Variants in KRT71 observed in about 807,000 individuals in gnomAD.
KRT71 encodes keratin, type II cytoskeletal 71.
In KRT71, 42 loss-of-function variants were observed where a neutral mutation model predicts 46.2. The observed-to-expected ratio is 0.91, with a 90% CI of 0.71 to 1.18. KRT71 has a LOEUF of 1.18. Among genes scored for constraint, KRT71 ranks in the 50% most tolerant of loss-of-function variants. The probability of loss-of-function intolerance (pLI) is 0.00; values close to 1 mark genes in which losing one functional copy is unlikely to be tolerated. For synonymous variants in KRT71, 292 were observed against 277.8 expected, an observed-to-expected ratio of 1.05 and a Z score of -0.51; for missense variants, 708 against 677.9, an observed-to-expected ratio of 1.04 and a Z score of -0.49.
chr12:52,551,614 G>C (rs1397839205), intron 1 of KRT71, among the ~76,000 whole-genome samples: 1 of 152,214 alleles, frequency 6.6e-6, no homozygotes, highest in East Asian at 1.9e-4. Flanking sequence ...CTCACCCATA[G>C]ACTTTGTCCT....
rs150003981 is a variant in KRT71, at chr12:52,546,382, C to A, written c.1229G>T (p.Arg410Leu). 6.7e-5 allele frequency: 108 copies of A among 1,614,108 alleles called. No homozygotes were observed. The highest frequency in any genetic ancestry group is 1.7e-4 in the African/African-American group (13 of 74,940). The stretch of plus-strand genomic sequence containing the variant: ...GAGCTCCTGGTACTCGCGCAGCATC[C>A]GCGCCAGCTCCTCCTTGGCCTGGTG... Reference protein sequence around the residue: ...ALHQAKEELARMLREYQELMS... With the variant: ...ALHQAKEELALMLREYQELMS... Residue 410 changes from arginine to leucine, a missense_variant, in exon 7 of 9, where the codon CGG becomes CTG. Physicochemically the swap from Arg to Leu is moderately radical, Grantham distance 102 (BLOSUM62 -2). Coordinates refer to ENST00000267119, the MANE Select transcript of KRT71 (RefSeq NM_033448.3).
Position 52,549,332 on chromosome 12 carries a change from C to G in KRT71, c.678G>C (p.Lys226Asn). The G allele has an allele frequency of 6.2e-7, 1 of 1,613,950 alleles. No individual in the cohort carries two copies. The highest frequency in any genetic ancestry group is 8.5e-7 in the Non-Finnish European group (1 of 1,179,846). The change falls in exon 3 of 9, where the codon AAG becomes AAC. Residue 226 changes from lysine to asparagine, a missense_variant. Physicochemically the swap from Lys to Asn is moderately conservative, Grantham distance 94 (BLOSUM62 0). Transcript: ENST00000267119. Reference sequence around the variant, plus strand: ...CAAACTCGTTCTCTGCTGCTGTCCGCTTGTTGATTTCCTCCTCATACCTGT... The same window carrying G: ...CAAACTCGTTCTCTGCTGCTGTCCGGTTGTTGATTTCCTCCTCATACCTGT... ...YKKRYEEEIN[K>N]RTAAENEFVL...
chr12:52,552,590 A>C (rs1939190400), intron 1 of KRT71, 47 bp downstream of exon 1: 1 of 1,538,770 alleles, frequency 6.5e-7, no homozygotes, highest in African/African-American at 1.4e-5. Flanking sequence ...TTCCAAGAAG[A>C]GAAGAGGAGG....
At position 52,552,987 on chromosome 12, in the gene KRT71, A is replaced by C. The variant is rs1388562499; in HGVS notation, c.91T>G (p.Ser31Ala). The change falls in exon 1 of 9, where the codon TCC becomes GCC. Residue 31 changes from serine to alanine, a missense_variant. Transcript: ENST00000267119. ...SAVLSGGSSS[S>A]FRAGSKGLSG... ...AGCCCTTTGCTCCCTGCCCGGAAGG[A>C]GGATGAGCTGCCCCCTGAGAGCACA... is the stretch of plus-strand genomic sequence containing the variant. The C allele has an allele frequency of 3.1e-6, 5 of 1,614,134 alleles. No homozygotes were observed. Among genetic ancestry groups the C allele is most frequent in the Non-Finnish European group, 4.2e-6 (5 of 1,180,020 alleles).
rs1939011281 is a variant in KRT71, at chr12:52,544,029, T to C, written c.*503A>G. On this transcript the variant is annotated 3_prime_UTR_variant, in exon 9 of 9. Coordinates refer to ENST00000267119, the MANE Select transcript of KRT71 (RefSeq NM_033448.3). Reference sequence around the variant, plus strand: ...GGTGAGTGGAGAAAAAGGCCCTGAATTGCACTTGGTCCCACTCAGATTTGA... The same window carrying C: ...GGTGAGTGGAGAAAAAGGCCCTGAACTGCACTTGGTCCCACTCAGATTTGA... The C allele has an allele frequency of 6.2e-6, 1 of 161,596 alleles. No homozygotes were observed. The allele number at this position is 161,596 out of a possible 1,614,324, so 10.0% of individuals were successfully genotyped here. A position where few individuals can be genotyped will look rare whatever the true frequency, so the allele number is the denominator to read the frequency against.
rs1682830583 is a variant in KRT71, at chr12:52,544,007, G to A, written c.*525C>T. On this transcript the variant is annotated 3_prime_UTR_variant, in exon 9 of 9. Coordinates refer to ENST00000267119, the MANE Select transcript of KRT71 (RefSeq NM_033448.3). ...CTTTTCTCTGCTTCTGGGTGCAGGT[G>A]AGTGGAGAAAAAGGCCCTGAATTGC... is the stretch of plus-strand genomic sequence containing the variant. 6.3e-6 allele frequency: 1 copy of A among 159,920 alleles called. No individual in the cohort carries two copies. Among genetic ancestry groups the A allele is most frequent in the South Asian group, 1.8e-4 (1 of 5,492 alleles). The allele number at this position is 159,920 out of a possible 1,614,324, so 9.9% of individuals were successfully genotyped here.
chr12:52,544,309 T>C lies in KRT71; in HGVS notation c.*223A>G. On this transcript the variant is annotated 3_prime_UTR_variant, in exon 9 of 9. Transcript: ENST00000267119. ...TAGCTGGGGGACCACAGCCAAGGAG[T>C]TAATAGGGTGTGTACAGGGAGGAAT... is the stretch of plus-strand genomic sequence containing the variant. 1.7e-6 allele frequency: 1 copy of C among 597,866 alleles called. No homozygotes were observed. The highest frequency in any genetic ancestry group is 2.0e-5 in the South Asian group (1 of 50,764). The allele number at this position is 597,866 out of a possible 1,614,324, so 37.0% of individuals were successfully genotyped here.
At chr12:52,544,775 A>G (rs1328094930) in intron 8 of KRT71, 32 bp from the exon 9 acceptor site, 2 of 1,574,250 alleles carry the variant, frequency 1.3e-6, no homozygotes, top group Non-Finnish European at 1.7e-6. Flanking sequence ...ACACCCACTC[A>G]GGCAGAGAGC....
intron 2 of KRT71, 58 bp downstream of exon 2, chr12:52,549,971 G>A (rs2120578299): frequency 6.3e-7 from 1 of 1,586,712 alleles, no homozygotes; most frequent in South Asian, 1.1e-5. Context: ...TGACTGCCAG[G>A]GGTCCCTTGG....
At chr12:52,545,464 C>G (rs1349176456) in intron 8 of KRT71, 101 bp downstream of exon 8, 2 of 711,296 alleles carry the variant, frequency 2.8e-6, no homozygotes, top group African/African-American at 3.7e-5. Context: ...GCTTTTCCCT[C>G]TCTGGTTCTT....
At position 52,552,619 on chromosome 12, in the gene KRT71, AG is replaced by A; in HGVS notation, c.441+17del. On this transcript the variant is annotated intron_variant, in intron 1 of 8. Coordinates refer to ENST00000267119, the MANE Select transcript of KRT71 (RefSeq NM_033448.3). ...GAGGAGGGCTGTTCACAAGTTCCCC[AG>A]GCCCTAGAAGACCCACCTTGTCGAT... is the stretch of plus-strand genomic sequence containing the variant. 1 of 1,595,184 alleles carries A rather than the reference AG, an allele frequency of 6.3e-7. No individual in the cohort carries two copies. Among genetic ancestry groups the A allele is most frequent in the Non-Finnish European group, 8.5e-7 (1 of 1,171,400 alleles).
chr12:52,546,360 C>T lies in KRT71; in HGVS notation c.1251G>A (p.Glu417=), dbSNP rs1303572757. Residue 417 remains glutamate, a synonymous_variant, in exon 7 of 9, where the codon GAG becomes GAA. Transcript: ENST00000267119. ...ELARMLREYQ[E]LMSLKLALDM... is the part of the protein sequence containing the mutation. ...CCAGGGCCAGCTTCAGGCTCATGAG[C>T]TCCTGGTACTCGCGCAGCATCCGCG... 3 of 1,614,206 alleles carry T rather than the reference C, an allele frequency of 1.9e-6. No individual in the cohort carries two copies. The highest frequency in any genetic ancestry group is 2.5e-6 in the Non-Finnish European group (3 of 1,180,028).
chr12:52,552,606 T>A, intron 1 of KRT71, 31 bp downstream of exon 1: 1 of 1,580,152 alleles, frequency 6.3e-7, no homozygotes, highest in South Asian at 1.2e-5. Flanking sequence ...GGAGGGCTGT[T>A]CACAAGTTCC....
chr12:52,549,955 C>A, intron 2 of KRT71, 74 bp downstream of exon 2: 3 of 1,564,382 alleles, frequency 1.9e-6, no homozygotes, highest in South Asian at 1.1e-5. Flanking sequence ...AGCATTTAAG[C>A]TGGGGTGACT....
In KRT71 at chr12:52,547,940, G is replaced by A. The variant is rs753818778; in HGVS notation, c.1021C>T (p.Leu341Phe). 1.2e-6 allele frequency: 2 copies of A among 1,614,190 alleles called. No individual in the cohort carries two copies. Among genetic ancestry groups the A allele is most frequent in the Non-Finnish European group, 8.5e-7 (1 of 1,180,044 alleles). The change falls in exon 6 of 9, where the codon CTC becomes TTC. Residue 341 changes from leucine (L) to phenylalanine (F), a missense_variant. Transcript: ENST00000267119. ...GAGATTTCATTCTTGGTGTTTTTGA[G>A]GTCGTCCCCATGCCTGCCAGCTGCC... is the stretch of plus-strand genomic sequence containing the variant. ...QLAAGRHGDD[L>F]KNTKNEISEL...
intron 1 of KRT71, among the ~76,000 whole-genome samples, chr12:52,550,584 A>G (rs1219167936): frequency 1.3e-5 from 2 of 152,244 alleles, no homozygotes; most frequent in Non-Finnish European, 2.9e-5. Flanking sequence ...TGGGTCCACC[A>G]TTTTGGACAG....
Position 52,547,967 on chromosome 12 carries a change from G to T in KRT71, c.994C>A (p.Leu332Met). 1 of 1,613,738 alleles carries T rather than the reference G, an allele frequency of 6.2e-7. No homozygotes were observed. The highest frequency in any genetic ancestry group is 8.5e-7 in the Non-Finnish European group (1 of 1,179,902). The change falls in exon 6 of 9, where the codon CTG becomes ATG. Residue 332 changes from leucine to methionine, a missense_variant. Transcript: ENST00000267119. ...TCGTCCCCATGCCTGCCAGCTGCCA[G>T]CTGAAGCTCTTGGAACTGGGGACCC... ...LYQTKFQELQ[L>M]AAGRHGDDLK...
In KRT71 at chr12:52,545,428, C is replaced by T. The variant is rs189497260; in HGVS notation, c.1360+137G>A. On this transcript the variant is annotated intron_variant, in intron 8 of 8. Transcript: ENST00000267119. ...AAGCCGATTTTGGCCATGGCTCTGCCATCTGGCTTTGTGATCTCAGGCAAA... is the reference window on the plus strand; with the variant it reads ...AAGCCGATTTTGGCCATGGCTCTGCTATCTGGCTTTGTGATCTCAGGCAAA... The T allele has an allele frequency of 1.3e-4, 72 of 552,458 alleles. No individual in the cohort carries two copies. In the Middle Eastern group the frequency reaches 3.2e-3, roughly 25 times the overall value. The allele number at this position is 552,458 out of a possible 1,614,324, so 34.2% of individuals were successfully genotyped here.
At chr12:52,546,605 C>T in intron 6 of KRT71, 99 bp from the exon 7 acceptor site, 2 of 1,172,636 alleles carry the variant, frequency 1.7e-6, no homozygotes, top group East Asian at 2.5e-5. Flanking sequence ...GAGTGGCCCG[C>T]CTCCACCCTA....
Sources: gnomAD v4.1 joint callset for allele counts (sites outside exome capture counted in the v4.1 genomes callset) on GRCh38, gnomAD v4.1.1 for gene constraint, MANE v1.5 for transcripts, NCBI Gene and HGNC (gene_info 2026-07-23, HGNC 2026-07-21) for gene names.